The following RALGAPB variants were observed in gnomAD, a reference collection of about 807,000 sequenced individuals.
The protein encoded by RALGAPB is ral GTPase-activating protein subunit beta.
RALGAPB carries 25 observed loss-of-function variants against 161.1 expected under a neutral mutation model. That is an observed-to-expected ratio of 0.16 (90% CI 0.11 to 0.22). RALGAPB has a LOEUF of 0.22. Ranked by LOEUF, RALGAPB falls within the 10% of genes least tolerant of loss-of-function variation. The pLI, the probability that RALGAPB is intolerant of heterozygous loss-of-function variation, is 1.00. For missense variants in RALGAPB, 1,391 were observed against 1,815.2 expected (o/e 0.77, Z 4.25); for synonymous variants, 629 against 626.1 (o/e 1.00, Z -0.07).
At chr20:38,510,633 G>A (rs1433787222) in intron 6 of RALGAPB, among the ~76,000 whole-genome samples, 1 of 120,098 alleles carries the variant, frequency 8.3e-6, no homozygotes, top group African/African-American at 6.6e-5. Context: ...TTATAGGGCC[G>A]GGCGCGGTGG....
At position 38,531,465 on chromosome 20, in the gene RALGAPB, A is replaced by C. The variant is rs144297554; in HGVS notation, c.2115+234A>C. Among the ~76,000 whole-genome samples, 637 of 152,332 alleles carry C rather than the reference A, an allele frequency of 4.2e-3. 3 individuals carry two copies. Among genetic ancestry groups the C allele is most frequent in the African/African-American group, 0.015 (606 of 41,558 alleles). ...TCTGTATGAGAGAAACTACAGCTAAATCCAGTCTTTATTCCTGAACAGTGT... is the reference window on the plus strand; with the variant it reads ...TCTGTATGAGAGAAACTACAGCTAACTCCAGTCTTTATTCCTGAACAGTGT... On this transcript the variant is annotated intron_variant, in intron 14 of 29. Coordinates refer to ENST00000262879, the MANE Select transcript of RALGAPB (RefSeq NM_020336.4).
chr20:38,503,382 A>G (rs2085653376), intron 5 of RALGAPB, among the ~76,000 whole-genome samples: 1 of 152,228 alleles, frequency 6.6e-6, no homozygotes, highest in Non-Finnish European at 1.5e-5. Context: ...CAACATTAAC[A>G]GGAGTTTGGA....
Position 38,558,221 on chromosome 20 carries a change from G to A in RALGAPB, c.3373-74G>A. ...TAATTTTATTTTTATTAAACCATGA[G>A]CAAGTATTGTTTTTATAATTATAAC... On this transcript the variant is annotated intron_variant, in intron 22 of 29. Transcript: ENST00000262879. 7 of 1,222,690 alleles carry A rather than the reference G, an allele frequency of 5.7e-6. No individual in the cohort carries two copies. The South Asian group carries it at 1.4e-4, about 24-fold the overall frequency. The allele number at this position is 1,222,690 out of a possible 1,614,324, so 75.7% of individuals were successfully genotyped here.
intron 24 of RALGAPB, among the ~76,000 whole-genome samples, chr20:38,563,098 A>G (rs2087847279): frequency 6.6e-6 from 1 of 152,202 alleles, no homozygotes; most frequent in African/African-American, 2.4e-5. Flanking sequence ...GAGGAAAAGT[A>G]TCCTTCCCCT....
chr20:38,565,147 C>T (rs2087947145), intron 24 of RALGAPB, among the ~76,000 whole-genome samples: 1 of 151,946 alleles, frequency 6.6e-6, no homozygotes, highest in Non-Finnish European at 1.5e-5. Context: ...GATATACAGT[C>T]GTTTCAGAAA....
intron 28 of RALGAPB, chr20:38,573,942 A>G (rs950720963): frequency 1.1e-5 from 4 of 376,412 alleles, no homozygotes; most frequent in African/African-American, 2.1e-5. Context: ...CCAGTAATGG[A>G]CCTTTAGGAC....
intron 23 of RALGAPB, among the ~76,000 whole-genome samples, chr20:38,560,254 C>G (rs2087741495): frequency 6.6e-6 from 1 of 152,026 alleles, no homozygotes; most frequent in Non-Finnish European, 1.5e-5. Flanking sequence ...AAGCAAACAA[C>G]CATTGTAAAG....
chr20:38,504,776 GAC>G (rs200955136), intron 5 of RALGAPB, among the ~76,000 whole-genome samples: 1,998 of 152,192 alleles, frequency 0.013, 20 homozygotes, highest in Non-Finnish European at 0.017. Flanking sequence ...GACATGAACA[GAC>G]ACTTATCAAA....
intron 3 of RALGAPB, among the ~76,000 whole-genome samples, chr20:38,496,147 C>A (rs893177429): frequency 6.6e-6 from 1 of 152,102 alleles, no homozygotes; most frequent in South Asian, 2.1e-4. Flanking sequence ...TGGAACATCT[C>A]CCCGCTCCTG....
At chr20:38,543,295 T>A (rs1218310279) in intron 18 of RALGAPB, among the ~76,000 whole-genome samples, 1 of 152,246 alleles carries the variant, frequency 6.6e-6, no homozygotes, top group East Asian at 1.9e-4. Flanking sequence ...TGGCTGTTTC[T>A]CTGATTTATC....
chr20:38,535,283 T>C, intron 16 of RALGAPB, 76 bp downstream of exon 16: 1 of 1,490,244 alleles, frequency 6.7e-7, no homozygotes, highest in Non-Finnish European at 9.2e-7. Flanking sequence ...CTTAACCCCT[T>C]GTGTGGGTAT....
chr20:38,474,160 G>A (rs192272466), intron 1 of RALGAPB, among the ~76,000 whole-genome samples: 28 of 152,268 alleles, frequency 1.8e-4, no homozygotes, highest in African/African-American at 6.0e-4. Flanking sequence ...TAGGTGTAGC[G>A]TCTGTAACCT....
At chr20:38,473,119 C>G (rs981615635) in intron 1 of RALGAPB, 50 bp downstream of exon 1, 5 of 338,464 alleles carry the variant, frequency 1.5e-5, no homozygotes, top group African/African-American at 1.1e-4. Flanking sequence ...CTCTCCTTCC[C>G]TCTCTTCCCC....
At chr20:38,525,552 A>AT in intron 12 of RALGAPB, 34 bp downstream of exon 12, 1 of 1,447,036 alleles carries the variant, frequency 6.9e-7, no homozygotes, top group African/African-American at 1.4e-5. Context: ...TATATCCTAT[A>AT]TTCTGTTTTT....
intron 1 of RALGAPB, among the ~76,000 whole-genome samples, chr20:38,481,400 G>A (rs1371788872): frequency 6.6e-6 from 1 of 152,178 alleles, no homozygotes; most frequent in African/African-American, 2.4e-5. Context: ...ACGTGGCTGG[G>A]GAAGCCTCAC....
chr20:38,523,798 G>C (rs1354136691), intron 10 of RALGAPB, among the ~76,000 whole-genome samples: 1 of 152,146 alleles, frequency 6.6e-6, no homozygotes, highest in East Asian at 1.9e-4. Flanking sequence ...TTAGGGGGCA[G>C]GTAGAGTAAG....
chr20:38,476,586 T>C lies in RALGAPB; in HGVS notation c.-31+3517T>C, dbSNP rs145064485. On this transcript the variant is annotated intron_variant, in intron 1 of 29. Coordinates refer to ENST00000262879, the MANE Select transcript of RALGAPB (RefSeq NM_020336.4). ...GGATAGGGAAGGGGAGAGAGTGATC[T>C]GCTATGTTTGAGAAACTCAATTAGA... 2.6e-3 allele frequency among the ~76,000 whole-genome samples: 403 copies of C among 152,298 alleles called. 1 individual carries two copies. Among genetic ancestry groups the C allele is most frequent in the African/African-American group, 9.2e-3 (384 of 41,558 alleles).
chr20:38,518,058 T>G, intron 9 of RALGAPB, 58 bp downstream of exon 9: 1 of 1,494,164 alleles, frequency 6.7e-7, no homozygotes, highest in African/African-American at 1.4e-5. Context: ...TTCTTTTTCT[T>G]TTTAGTCTTT....
chr20:38,495,507 G>C (rs1670230322), intron 3 of RALGAPB, among the ~76,000 whole-genome samples: 1 of 152,110 alleles, frequency 6.6e-6, no homozygotes, highest in Admixed American at 6.5e-5. Flanking sequence ...AGCAGCCATA[G>C]ACAATATATA....
Sources: allele counts gnomAD v4.1 joint callset (sites outside exome capture counted in the v4.1 genomes callset), GRCh38; gene constraint gnomAD v4.1.1; transcripts MANE v1.5; gene names NCBI Gene and HGNC (gene_info 2026-07-23, HGNC 2026-07-21).